ASB13: variants seen among roughly 807,000 people sequenced by gnomAD.
ASB13 encodes ankyrin repeat and SOCS box protein 13.
Under a neutral mutation model 28.8 loss-of-function variants are expected in ASB13, and 33 were observed. The observed-to-expected ratio is 1.15, with a 90% confidence interval of 0.87 to 1.53. ASB13 has a LOEUF of 1.53. ASB13 is among the 40% of genes most tolerant of loss of function. The pLI is 0.00. For missense variants in ASB13, 414 were observed against 390.1 expected (o/e 1.06, Z -0.52); for synonymous variants, 182 against 172.9 (o/e 1.05, Z -0.41).
rs1834946402 is a variant in ASB13 at position 5,649,201 on chromosome 10, G to A, written c.383-97C>T. On this transcript the variant is annotated intron_variant, in intron 3 of 5. Coordinates refer to ENST00000357700, the MANE Select transcript of ASB13 (RefSeq NM_024701.4). The surrounding 1 kb of genome is among the most constrained non-coding windows in gnomAD (Gnocchi z 6.4). ...GCAGGGGCAGCAGCCTCCATCCTTG[G>A]TGCAGGGCAGGGAAGCCAGGCAGGC... 1.9e-6 allele frequency: 3 copies of A among 1,539,910 alleles called. No individual in the cohort carries two copies. The highest frequency in any genetic ancestry group is 3.4e-5 in the Admixed American group (2 of 58,346).
intron 1 of ASB13, among the ~76,000 whole-genome samples, chr10:5,653,318 A>G (rs1204243373): frequency 6.6e-6 from 1 of 152,208 alleles, no homozygotes; most frequent in Non-Finnish European, 1.5e-5. Context: ...CATATTCTGC[A>G]GGCACAGGTG....
intron 1 of ASB13, among the ~76,000 whole-genome samples, chr10:5,662,528 G>A (rs1322514759): frequency 3.6e-4 from 2 of 5,544 alleles, no homozygotes; most frequent in South Asian, 9.6e-3. Flanking sequence ...AGACTCTGTC[G>A]AGAAGGGGGG....
rs1039515439 is a variant in ASB13 at position 5,642,421 on chromosome 10, A to G, written c.518-460T>C. The G allele has an allele frequency of 3.2e-5, 30 of 928,608 alleles. No homozygotes were observed. Among genetic ancestry groups the G allele is most frequent in the Non-Finnish European group, 3.9e-5 (28 of 725,104 alleles). The allele number at this position is 928,608 out of a possible 1,614,324, so 57.5% of individuals were successfully genotyped here. A position where few individuals can be genotyped will look rare whatever the true frequency, so the allele number is the denominator to read the frequency against. ...GAAATACTGGTTGAATGAAAGAATAAATGTTCCTTAACAATGCATATTCTT... is the reference window on the plus strand; with the variant it reads ...GAAATACTGGTTGAATGAAAGAATAGATGTTCCTTAACAATGCATATTCTT... On this transcript the variant is annotated intron_variant, in intron 4 of 5. Coordinates refer to ENST00000357700, the MANE Select transcript of ASB13 (RefSeq NM_024701.4). The surrounding 1 kb of genome is among the most constrained non-coding windows in gnomAD (Gnocchi z 4.1).
At chr10:5,665,901 T>C (rs1166974665) in intron 1 of ASB13, among the ~76,000 whole-genome samples, 3 of 152,240 alleles carry the variant, frequency 2.0e-5, no homozygotes, top group Admixed American at 6.5e-5. Context: ...CCAAAGAGTG[T>C]CCTTCCCTCA....
chr10:5,654,288 C>G (rs561191685), intron 1 of ASB13, among the ~76,000 whole-genome samples: 1 of 152,122 alleles, frequency 6.6e-6, no homozygotes, highest in South Asian at 2.1e-4. Flanking sequence ...CAAGAAGGAG[C>G]TCCAGGGGAA....
At chr10:5,654,846 C>T (rs1319595434) in intron 1 of ASB13, among the ~76,000 whole-genome samples, 1 of 152,198 alleles carries the variant, frequency 6.6e-6, no homozygotes, top group Non-Finnish European at 1.5e-5. Flanking sequence ...CCTGTAATCT[C>T]ACCACTTTGA....
At position 5,660,613 on chromosome 10, in the gene ASB13, C is replaced by T. The variant is rs1403721470; in HGVS notation, c.43+5896G>A. 8.3e-4 allele frequency among the ~76,000 whole-genome samples: 127 copies of T among 152,300 alleles called. 3 individuals carry two copies. The highest frequency in any genetic ancestry group is 4.4e-5 in the Non-Finnish European group (3 of 68,030). On this transcript the variant is annotated intron_variant, in intron 1 of 5. Coordinates refer to ENST00000357700, the MANE Select transcript of ASB13 (RefSeq NM_024701.4). The surrounding 1 kb of genome is among the most constrained non-coding windows in gnomAD (Gnocchi z 6.1). ...GGGTGCTGTGAAGACTGAAGAAAAT[C>T]GTGCCTGGCCACCTGTAAATGCTGT...
rs1834880021 is a variant in ASB13, at chr10:5,645,949, A to G, written c.517+3021T>C. Among the ~76,000 whole-genome samples the G allele has an allele frequency of 6.6e-6, 1 of 152,228 alleles. No homozygotes were observed. Among genetic ancestry groups the G allele is most frequent in the Non-Finnish European group, 1.5e-5 (1 of 68,036 alleles). On this transcript the variant is annotated intron_variant, in intron 4 of 5. Transcript: ENST00000357700. This position sits in a 1 kb window ranked among gnomAD's most constrained non-coding sequence, Gnocchi z 5.4. ...TGAAAAAATGGTTTCTAAGAAGAAG[A>G]TGATGATCCATCTGCTCTCACAAGG...
chr10:5,648,283 G>A (rs1834919694), intron 4 of ASB13, among the ~76,000 whole-genome samples: 1 of 149,254 alleles, frequency 6.7e-6, no homozygotes, highest in South Asian at 2.1e-4. Flanking sequence ...ACCCACGTGG[G>A]CAAACACCCA....
Position 5,652,019 on chromosome 10 carries a change from A to C in ASB13, c.232-656T>G, listed in dbSNP as rs1392969284. Among the ~76,000 whole-genome samples the C allele has an allele frequency of 1.4e-5, 1 of 70,282 alleles. No homozygotes were observed. Among genetic ancestry groups the C allele is most frequent in the Non-Finnish European group, 2.6e-5 (1 of 38,510 alleles). 46.1% of individuals were successfully genotyped at this position (70,282 alleles called of 152,430 possible). A position where few individuals can be genotyped will look rare whatever the true frequency, so the allele number is the denominator to read the frequency against. ...CTTATCTCAAAAAAAAAAAAAAAAAAAAAAAACCACACACACACACACACA... is the reference window on the plus strand; with the variant it reads ...CTTATCTCAAAAAAAAAAAAAAAAACAAAAAACCACACACACACACACACA... On this transcript the variant is annotated intron_variant, in intron 2 of 5. Transcript: ENST00000357700. This position sits in a 1 kb window ranked among gnomAD's most constrained non-coding sequence, Gnocchi z 5.0.
chr10:5,666,330 G>A (rs905766432), intron 1 of ASB13, among the ~76,000 whole-genome samples, 179 bp downstream of exon 1: 1 of 152,166 alleles, frequency 6.6e-6, no homozygotes, highest in Non-Finnish European at 1.5e-5. Flanking sequence ...GAGCCCGTCT[G>A]GGATGCGCGG....
At position 5,649,419 on chromosome 10, in the gene ASB13, T is replaced by G. The variant is rs1834949823; in HGVS notation, c.383-315A>C. Among the ~76,000 whole-genome samples, 1 of 151,620 alleles carries G rather than the reference T, an allele frequency of 6.6e-6. No individual in the cohort carries two copies. The highest frequency in any genetic ancestry group is 2.4e-5 in the African/African-American group (1 of 41,230). On this transcript the variant is annotated intron_variant, in intron 3 of 5. Transcript: ENST00000357700. The surrounding 1 kb of genome is among the most constrained non-coding windows in gnomAD (Gnocchi z 6.4). ...AGGGAAAACTCCCCCGCTGCCCCCCTGCCCTGTGTCTACCTGCGGCTGTCA... is the reference window on the plus strand; with the variant it reads ...AGGGAAAACTCCCCCGCTGCCCCCCGGCCCTGTGTCTACCTGCGGCTGTCA...
In ASB13 at chr10:5,652,923, G is replaced by C. The variant is rs766081012; in HGVS notation, c.171C>G (p.His57Gln). The change falls in exon 2 of 6, where the codon CAC becomes CAG. Residue 57 changes from histidine to glutamine, a missense_variant. By Grantham distance (24) the His-to-Gln change is conservative. Coordinates refer to ENST00000357700, the MANE Select transcript of ASB13 (RefSeq NM_024701.4). This position sits in a 1 kb window ranked among gnomAD's most constrained non-coding sequence, Gnocchi z 5.0. ...QVTVDSITPL[H>Q]AASLQGQARC... ...GCGCCTGGCCCTGCAGACTGGCTGCGTGCAGGGGCGTGATGGAGTCCACGG... is the reference window on the plus strand; with the variant it reads ...GCGCCTGGCCCTGCAGACTGGCTGCCTGCAGGGGCGTGATGGAGTCCACGG... 2 of 1,583,836 alleles carry C rather than the reference G, an allele frequency of 1.3e-6. No homozygotes were observed. Among genetic ancestry groups the C allele is most frequent in the Non-Finnish European group, 1.7e-6 (2 of 1,165,586 alleles).
chr10:5,646,203 TC>T (rs1180723299), intron 4 of ASB13, among the ~76,000 whole-genome samples: 1 of 152,160 alleles, frequency 6.6e-6, no homozygotes, highest in Non-Finnish European at 1.5e-5. Context: ...CCCCTTCCTT[TC>T]CAGCCCCCAC....
Position 5,652,840 on chromosome 10 carries a change from G to A in ASB13, c.231+23C>T, listed in dbSNP as rs1835007612. The A allele has an allele frequency of 6.6e-7, 1 of 1,504,160 alleles. No homozygotes were observed. Among genetic ancestry groups the A allele is most frequent in the East Asian group, 2.4e-5 (1 of 41,216 alleles). The allele number at this position is 1,504,160 out of a possible 1,614,324, so 93.2% of individuals were successfully genotyped here. A position where few individuals can be genotyped will look rare whatever the true frequency, so the allele number is the denominator to read the frequency against. On this transcript the variant is annotated intron_variant, in intron 2 of 5. Coordinates refer to ENST00000357700, the MANE Select transcript of ASB13 (RefSeq NM_024701.4). This position sits in a 1 kb window ranked among gnomAD's most constrained non-coding sequence, Gnocchi z 5.0. The stretch of plus-strand genomic sequence containing the variant: ...TCTGGCAGCTGCAGCCAGTCTGGGG[G>A]TCTGCCCTGAAGGGCCACTCACCTG...
At chr10:5,648,162 C>CCCACGGGGG (rs1834915854) in intron 4 of ASB13, among the ~76,000 whole-genome samples, 1 of 150,670 alleles carries the variant, frequency 6.6e-6, no homozygotes, top group Non-Finnish European at 1.5e-5. Flanking sequence ...CGGGTAAACA[C>CCCACGGGGG]TCACGGGGGT....
intron 5 of ASB13, 45 bp from the exon 6 acceptor site, chr10:5,640,875 A>G (rs760798855): frequency 1.9e-6 from 3 of 1,607,810 alleles, no homozygotes; most frequent in Admixed American, 3.3e-5. Context: ...TTTCAGGAAG[A>G]AGCACAACAC....
At chr10:5,646,710 T>C (rs1363305236) in intron 4 of ASB13, among the ~76,000 whole-genome samples, 1 of 152,174 alleles carries the variant, frequency 6.6e-6, no homozygotes, top group Non-Finnish European at 1.5e-5. Context: ...GGTGTCCAAC[T>C]GACATGAAGT....
rs147576380 is a variant in ASB13 at position 5,653,027 on chromosome 10, C to T, written c.67G>A (p.Val23Met). Residue 23 changes from valine (V) to methionine (M), a missense_variant, in exon 2 of 6, where the codon GTG (valine) becomes ATG (methionine). Coordinates refer to ENST00000357700, the MANE Select transcript of ASB13 (RefSeq NM_024701.4). Reference protein sequence around the residue: ...DVGFWVERTPVHEAAQRGESL... With the variant: ...DVGFWVERTPMHEAAQRGESL... ...TCACCCCGCTGGGCTGCCTCGTGCACAGGGGTCCGCTCCACCCAGAAACCT... is the reference window on the plus strand; with the variant it reads ...TCACCCCGCTGGGCTGCCTCGTGCATAGGGGTCCGCTCCACCCAGAAACCT... 55 of 1,549,464 alleles carry T rather than the reference C, an allele frequency of 3.5e-5. 1 individual carries two copies. The African/African-American group carries it at 4.0e-4, about 11-fold the overall frequency.
Sources: gnomAD v4.1 joint callset for allele counts (sites outside exome capture counted in the v4.1 genomes callset) on GRCh38, gnomAD v4.1.1 for gene constraint, Gnocchi (gnomAD v3.1) non-coding constraint, MANE v1.5 for transcripts, NCBI Gene and HGNC (gene_info 2026-07-23, HGNC 2026-07-21) for gene names.